Variants in HIRA observed in about 807,000 individuals in gnomAD.
HIRA encodes histone cell cycle regulator.
A neutral mutation model predicts 126.6 loss-of-function variants in HIRA; 13 were observed. The observed-to-expected ratio is 0.10, with a 90% confidence interval of 0.07 to 0.16. The LOEUF is 0.16. Among genes scored for constraint, HIRA ranks in the 10% least tolerant of loss-of-function variants. HIRA has a pLI of 1.00. For missense variants in HIRA, 834 were observed against 1,314.4 expected (o/e 0.63, Z 5.65); for synonymous variants, 511 against 520.0 (o/e 0.98, Z 0.24).
At chr22:19,385,396 C>T in intron 12 of HIRA, 125 bp downstream of exon 12, 1 of 875,802 alleles carries the variant, frequency 1.1e-6, no homozygotes, top group Non-Finnish European at 1.7e-6. Context: ...AGGCCCGAGG[C>T]TGGCTAACCC....
intron 20 of HIRA, 147 bp downstream of exon 20, chr22:19,356,083 T>A: frequency 1.3e-6 from 1 of 765,866 alleles, no homozygotes; most frequent in Non-Finnish European, 2.2e-6. Context: ...AAAAAGTGTG[T>A]GTCTCCTGCA....
intron 12 of HIRA, 138 bp from the exon 13 acceptor site, chr22:19,383,843 T>C: frequency 1.5e-6 from 1 of 645,620 alleles, no homozygotes; most frequent in East Asian, 2.7e-5. Flanking sequence ...GTTTTAAGTA[T>C]GCAATATCAT....
intron 21 of HIRA, among the ~76,000 whole-genome samples, chr22:19,354,516 C>T (rs782755125): frequency 2.6e-5 from 4 of 152,240 alleles, no homozygotes; most frequent in African/African-American, 7.2e-5. Context: ...AATGCCAGGC[C>T]TCTACCTGCC....
At chr22:19,353,636 G>C (rs1250587296) in intron 22 of HIRA, 117 bp from the exon 23 acceptor site, 5 of 1,044,312 alleles carry the variant, frequency 4.8e-6, no homozygotes, top group African/African-American at 1.6e-5. Flanking sequence ...GGCTGCCAAG[G>C]CCTCCCGTCC....
intron 5 of HIRA, among the ~76,000 whole-genome samples, chr22:19,401,110 G>C (rs893676673): frequency 6.6e-6 from 1 of 152,052 alleles, no homozygotes; most frequent in African/African-American, 2.4e-5. Flanking sequence ...CTCTCCTAGT[G>C]TTTTTTGAGT....
In HIRA at chr22:19,392,797, T is replaced by C. The variant is rs549574561; in HGVS notation, c.823-583A>G. 1.9e-4 allele frequency among the ~76,000 whole-genome samples: 29 copies of C among 152,282 alleles called. No individual in the cohort carries two copies. In the East Asian group the frequency reaches 5.4e-3, roughly 28 times the overall value. On this transcript the variant is annotated intron_variant, in intron 8 of 24. Coordinates refer to ENST00000263208, the MANE Select transcript of HIRA (RefSeq NM_003325.4). ...CCATGGCAATATCACACAAAGGTGC[T>C]TGGTTGGCTGCTTAGTCCAGGGAAC...
chr22:19,350,732 C>T (rs782274047), intron 24 of HIRA, among the ~76,000 whole-genome samples: 1 of 152,140 alleles, frequency 6.6e-6, no homozygotes, highest in Non-Finnish European at 1.5e-5. Flanking sequence ...CTGTGGTCCA[C>T]CTCCTGCCTC....
At chr22:19,361,208 G>T (rs1242904620) in intron 17 of HIRA, 29 bp downstream of exon 17, 1 of 1,515,962 alleles carries the variant, frequency 6.6e-7, no homozygotes, top group East Asian at 2.3e-5. Flanking sequence ...GTGTGCCTGA[G>T]GGAGAACTGG....
At chr22:19,355,702 C>T in intron 21 of HIRA, 58 bp downstream of exon 21, 12 of 1,288,604 alleles carry the variant, frequency 9.3e-6, no homozygotes, top group South Asian at 1.2e-5. Flanking sequence ...CTTTGCTCTG[C>T]TGTCTAGAGC....
Position 19,353,502 on chromosome 22 carries a change from G to A in HIRA, c.2702C>T (p.Ala901Val), listed in dbSNP as rs782132936. 57 of 1,610,004 alleles carry A rather than the reference G, an allele frequency of 3.5e-5. No homozygotes were observed. In the South Asian group the frequency reaches 5.4e-4, roughly 15 times the overall value. ...GRTSNSGRQA[A>V]RLFSVPHVVQ... ...CACATGAGGCACGGAGAAGAGCCGG[G>A]CAGCCTGCCTTCCCGAGCTGCAGAG... The change falls in exon 23 of 25, where the codon GCC (alanine) becomes GTC (valine). Residue 901 changes from alanine to valine, a missense_variant. This residue lies in a region of HIRA where 468 missense variants were observed against 574.2 expected (regional missense o/e 0.82). Transcript: ENST00000263208.
intron 24 of HIRA, among the ~76,000 whole-genome samples, chr22:19,346,368 T>C (rs953829936): frequency 1.3e-5 from 2 of 152,012 alleles, no homozygotes; most frequent in Non-Finnish European, 2.9e-5. Flanking sequence ...AATAAAAGAG[T>C]GTTGATAAAT....
rs779218834 is a variant in HIRA at position 19,431,528 on chromosome 22, C to T, written c.-52G>A. On this transcript the variant is annotated 5_prime_UTR_variant, in exon 1 of 25. Coordinates refer to ENST00000263208, the MANE Select transcript of HIRA (RefSeq NM_003325.4). Reference sequence around the variant, plus strand: ...GAGGCGAGCGCCGGGTCCCTCAGCGCGCCCGGGCCATGGAGCCACCGCCGC... The same window carrying T: ...GAGGCGAGCGCCGGGTCCCTCAGCGTGCCCGGGCCATGGAGCCACCGCCGC... 19 of 1,480,326 alleles carry T rather than the reference C, an allele frequency of 1.3e-5. No individual in the cohort carries two copies. The highest frequency in any genetic ancestry group is 1.7e-5 in the Non-Finnish European group (19 of 1,110,678). 91.7% of individuals were successfully genotyped at this position (1,480,326 alleles called of 1,614,324 possible).
rs548075710 is a variant in HIRA, at chr22:19,402,038, C to T, written c.397+3748G>A. Among the ~76,000 whole-genome samples the T allele has an allele frequency of 3.0e-3, 450 of 152,302 alleles. 2 individuals are homozygous for T. The highest frequency in any genetic ancestry group is 5.2e-3 in the Non-Finnish European group (352 of 68,026). On this transcript the variant is annotated intron_variant, in intron 5 of 24. Transcript: ENST00000263208. Reference sequence around the variant, plus strand: ...ATGTCCATGCTCCAAGGCCTTCGCACTGGCTGTCCCCTCACTGCCGTCCAG... The same window carrying T: ...ATGTCCATGCTCCAAGGCCTTCGCATTGGCTGTCCCCTCACTGCCGTCCAG...
At chr22:19,348,927 A>G (rs748374346) in intron 24 of HIRA, among the ~76,000 whole-genome samples, 58 of 151,696 alleles carry the variant, frequency 3.8e-4, no homozygotes, top group Non-Finnish European at 8.1e-4. Context: ...CTGGGATTAC[A>G]GGCACATGTC....
rs200988892 is a variant in HIRA at position 19,385,500 on chromosome 22, G to A, written c.1329+21C>T. 78 of 1,607,152 alleles carry A rather than the reference G, an allele frequency of 4.9e-5. 1 individual carries two copies. The African/African-American group carries it at 8.1e-4, about 17-fold the overall frequency. On this transcript the variant is annotated intron_variant, in intron 12 of 24. Coordinates refer to ENST00000263208, the MANE Select transcript of HIRA (RefSeq NM_003325.4). The stretch of plus-strand genomic sequence containing the variant: ...CTGGGCATATGTCCATGTCTTTAGC[G>A]CCACCAGGCAGGGCTCTCACCTTCC...
chr22:19,386,366 C>T (rs373832975), intron 11 of HIRA, among the ~76,000 whole-genome samples: 8 of 152,224 alleles, frequency 5.3e-5, no homozygotes, highest in African/African-American at 1.9e-4. Flanking sequence ...ATGGTGTCCC[C>T]AGCACACTGT....
At chr22:19,422,740 G>A (rs2089458273) in intron 1 of HIRA, among the ~76,000 whole-genome samples, 1 of 152,098 alleles carries the variant, frequency 6.6e-6, no homozygotes, top group South Asian at 2.1e-4. Context: ...TCATGCCCAG[G>A]TCCCTACCCT....
intron 1 of HIRA, among the ~76,000 whole-genome samples, chr22:19,425,433 G>C (rs2089481416): frequency 1.3e-5 from 2 of 152,102 alleles, no homozygotes; most frequent in African/African-American, 2.4e-5. Flanking sequence ...GGAAAGGGAG[G>C]GGTCAAGCCA....
intron 13 of HIRA, among the ~76,000 whole-genome samples, chr22:19,381,526 C>T (rs1395922720): frequency 1.3e-5 from 2 of 152,252 alleles, no homozygotes; most frequent in East Asian, 1.9e-4. Context: ...TATTAAGCAT[C>T]GATGAGAGAT....
Sources: allele counts gnomAD v4.1 joint callset (sites outside exome capture counted in the v4.1 genomes callset), GRCh38; gene constraint gnomAD v4.1.1; regional missense constraint gnomAD v4.1.1; transcripts MANE v1.5; gene names NCBI Gene and HGNC (gene_info 2026-07-23, HGNC 2026-07-21).